The following SLC45A4 variants were observed in gnomAD, a reference collection of about 807,000 sequenced individuals.
SLC45A4 encodes polyamine-transporter SLC45A4.
In SLC45A4, 32 loss-of-function variants were observed where a neutral mutation model predicts 63.7. That is an observed-to-expected ratio of 0.50 (90% CI 0.38 to 0.67). The LOEUF is 0.67. Ranked by LOEUF, SLC45A4 falls within the 30% of genes least tolerant of loss-of-function variation. SLC45A4 has a pLI of 0.00. For missense variants in SLC45A4, 1,027 were observed against 1,157.7 expected, an observed-to-expected ratio of 0.89 and a Z score of 1.64; for synonymous variants, 535 against 510.0, an observed-to-expected ratio of 1.05 and a Z score of -0.66.
At position 141,285,287 on chromosome 8, in the gene SLC45A4, A is replaced by G. The variant is rs543217199; in HGVS notation, c.-401+22809T>C. On this transcript the variant is annotated intron_variant, in intron 1 of 8. Coordinates refer to ENST00000517878, the MANE Select transcript of SLC45A4 (RefSeq NM_001286646.2). The stretch of plus-strand genomic sequence containing the variant: ...GGCCATCCTCGGGTCACGCAGCCTC[A>G]TGGCTTCCTTCACTGCCGTGGCTGA... Among the ~76,000 whole-genome samples the G allele has an allele frequency of 3.3e-5, 5 of 152,340 alleles. No individual in the cohort carries two copies. The South Asian group carries it at 1.0e-3, about 32-fold the overall frequency.
intron 1 of SLC45A4, among the ~76,000 whole-genome samples, chr8:141,263,778 A>T (rs1265393611): frequency 5.4e-5 from 8 of 149,078 alleles, no homozygotes; most frequent in African/African-American, 7.4e-5. Context: ...TCAAAAAAAA[A>T]AAAAATAAAA....
chr8:141,282,430 C>T (rs538886203), intron 1 of SLC45A4, among the ~76,000 whole-genome samples: 3 of 152,208 alleles, frequency 2.0e-5, no homozygotes, highest in Non-Finnish European at 2.9e-5. Flanking sequence ...TGGGCGGCCC[C>T]GCCTCCACCA....
chr8:141,287,053 G>C (rs1216138345), intron 1 of SLC45A4, among the ~76,000 whole-genome samples: 1 of 152,016 alleles, frequency 6.6e-6, no homozygotes, highest in Non-Finnish European at 1.5e-5. Context: ...TGAGGAAGTC[G>C]CCTGACCGCT....
chr8:141,246,359 G>A (rs2154614550), intron 2 of SLC45A4, among the ~76,000 whole-genome samples: 1 of 152,312 alleles, frequency 6.6e-6, no homozygotes, highest in Admixed American at 6.5e-5. Context: ...CAGCTCTGCG[G>A]GGTGGCTCTG....
At chr8:141,268,814 C>T (rs1829390762) in intron 1 of SLC45A4, among the ~76,000 whole-genome samples, 1 of 152,180 alleles carries the variant, frequency 6.6e-6, no homozygotes, top group South Asian at 2.1e-4. Flanking sequence ...AACAAAGTGT[C>T]CTATCGTGGA....
At chr8:141,301,762 A>AAAAAAAAAAAAAAAAAAAAAG (rs71322124) in intron 1 of SLC45A4, among the ~76,000 whole-genome samples, 1 of 126,624 alleles carries the variant, frequency 7.9e-6, no homozygotes, top group Non-Finnish European at 1.7e-5. Context: ...AAAAAAAAAA[A>AAAAAAAAAAAAAAAAAAAAAG]TCCTGGGCAA....
At chr8:141,233,409 G>C (rs1455162234) in intron 2 of SLC45A4, among the ~76,000 whole-genome samples, 1 of 152,172 alleles carries the variant, frequency 6.6e-6, no homozygotes, top group Non-Finnish European at 1.5e-5. Flanking sequence ...AACACAGCCA[G>C]GTGCGGTGGC....
chr8:141,251,261 C>A (rs1458202244), intron 2 of SLC45A4, among the ~76,000 whole-genome samples: 1 of 152,098 alleles, frequency 6.6e-6, no homozygotes, highest in Admixed American at 6.5e-5. Flanking sequence ...CCAACTTCCC[C>A]CTGGCTAAGG....
At chr8:141,291,305 T>C (rs1183730436) in intron 1 of SLC45A4, among the ~76,000 whole-genome samples, 1 of 152,202 alleles carries the variant, frequency 6.6e-6, no homozygotes, top group African/African-American at 2.4e-5. Context: ...ACCAGCCCAG[T>C]CTGGAGAAAG....
chr8:141,226,120 T>C (rs1315436956), intron 2 of SLC45A4: 5 of 152,306 alleles, frequency 3.3e-5, no homozygotes, highest in Non-Finnish European at 5.9e-5. Context: ...CCTGACATCG[T>C]GATTTTAACT....
intron 2 of SLC45A4, among the ~76,000 whole-genome samples, chr8:141,244,009 A>C (rs568270134): frequency 2.6e-5 from 4 of 152,278 alleles, no homozygotes; most frequent in Admixed American, 2.6e-4. Flanking sequence ...AAAGCTACAC[A>C]TGGATTTTTG....
chr8:141,216,702 C>A (rs1457762645), intron 6 of SLC45A4, among the ~76,000 whole-genome samples: 1 of 145,758 alleles, frequency 6.9e-6, no homozygotes, highest in Non-Finnish European at 1.5e-5. Context: ...TCACCCCGGC[C>A]CCATCCCTCA....
chr8:141,237,114 T>C (rs967181894), intron 2 of SLC45A4, among the ~76,000 whole-genome samples: 1 of 152,236 alleles, frequency 6.6e-6, no homozygotes, highest in African/African-American at 2.4e-5. Context: ...TCTAGTAAGT[T>C]TGGAAATTGC....
chr8:141,303,412 T>C (rs914656832), intron 1 of SLC45A4, among the ~76,000 whole-genome samples: 2 of 150,396 alleles, frequency 1.3e-5, no homozygotes, highest in African/African-American at 4.9e-5. Flanking sequence ...AGTGCTGGGA[T>C]TGCAGGAACG....
chr8:141,255,932 A>T (rs1208504672), intron 1 of SLC45A4, among the ~76,000 whole-genome samples: 1 of 152,000 alleles, frequency 6.6e-6, no homozygotes, highest in Non-Finnish European at 1.5e-5. Flanking sequence ...AAAAAAATGT[A>T]CGCATGTGCC....
At chr8:141,216,050 G>A (rs1405312440) in intron 6 of SLC45A4, 80 bp from the exon 7 acceptor site, 95 of 1,270,882 alleles carry the variant, frequency 7.5e-5, no homozygotes, top group African/African-American at 1.4e-4. Flanking sequence ...CCCTCCCCTC[G>A]CCCCCCACAT....
chr8:141,240,347 T>C (rs1827851308), intron 2 of SLC45A4, among the ~76,000 whole-genome samples: 1 of 152,198 alleles, frequency 6.6e-6, no homozygotes, highest in Non-Finnish European at 1.5e-5. Context: ...TTACATGATT[T>C]TCCTTTTCCC....
chr8:141,299,823 T>A (rs1372584217), intron 1 of SLC45A4, among the ~76,000 whole-genome samples: 1 of 152,182 alleles, frequency 6.6e-6, no homozygotes, highest in Admixed American at 6.5e-5. Context: ...GACTGAAACA[T>A]TGATTTCAGT....
chr8:141,292,431 C>T (rs572922102), intron 1 of SLC45A4, among the ~76,000 whole-genome samples: 7 of 152,384 alleles, frequency 4.6e-5, no homozygotes, highest in South Asian at 2.1e-4. Context: ...ACAAGGAGGC[C>T]GTGGAGCACA....
Sources: allele counts gnomAD v4.1 joint callset (sites outside exome capture counted in the v4.1 genomes callset), GRCh38; gene constraint gnomAD v4.1.1; transcripts MANE v1.5; gene names NCBI Gene and HGNC (gene_info 2026-07-23, HGNC 2026-07-21).